Variants in TBXAS1 observed in about 807,000 individuals in gnomAD.
TBXAS1 encodes the protein thromboxane A synthase 1.
TBXAS1 carries 48 observed loss-of-function variants against 60.7 expected under a neutral mutation model. The ratio of observed to expected loss-of-function variants is 0.79; its 90% CI spans 0.63 to 1.01. The LOEUF (loss-of-function observed/expected upper bound fraction) is 1.01. TBXAS1 is among the 50% of genes least tolerant of loss of function. The pLI, the probability that TBXAS1 is intolerant of heterozygous loss-of-function variation, is 0.00. For synonymous variants in TBXAS1, 287 were observed against 269.7 expected (o/e 1.06, Z -0.63); for missense variants, 685 against 686.3 (o/e 1.00, Z 0.02).
intron 4 of TBXAS1, chr7:139,797,101 TAA>T (rs961028493): frequency 5.9e-5 from 9 of 152,180 alleles, no homozygotes; most frequent in African/African-American, 2.2e-4. Context: ...GAAAATCCAT[TAA>T]AATATAATTA....
intron 5 of TBXAS1, chr7:139,952,408 G>GA (rs1809485503): frequency 3.6e-6 from 4 of 1,107,060 alleles, no homozygotes; most frequent in Admixed American, 6.0e-5. Flanking sequence ...ATTCTAGTGT[G>GA]AAAATCATCA....
chr7:139,967,480 G>A (rs1204941896), intron 9 of TBXAS1, among the ~76,000 whole-genome samples: 3 of 152,206 alleles, frequency 2.0e-5, no homozygotes, highest in South Asian at 2.1e-4. Flanking sequence ...ATGGGGGTAG[G>A]AGAGAGTAGG....
intron 4 of TBXAS1, among the ~76,000 whole-genome samples, chr7:139,807,385 G>C (rs961079537): frequency 1.3e-5 from 2 of 149,696 alleles, no homozygotes; most frequent in East Asian, 3.9e-4. Flanking sequence ...ACCACACCTA[G>C]TTAATTTTTT....
chr7:139,808,282 G>A (rs1291161740), intron 4 of TBXAS1, among the ~76,000 whole-genome samples: 1 of 152,088 alleles, frequency 6.6e-6, no homozygotes, highest in Non-Finnish European at 1.5e-5. Flanking sequence ...AGATTGTGGT[G>A]AGCTGAGATC....
At chr7:139,888,561 G>T (rs950464966) in intron 3 of TBXAS1, among the ~76,000 whole-genome samples, 4 of 152,014 alleles carry the variant, frequency 2.6e-5, no homozygotes, top group Non-Finnish European at 1.5e-5. Flanking sequence ...CTTCATGACT[G>T]TTCATGACAT....
chr7:140,015,775 G>A lies in TBXAS1; in HGVS notation c.1279G>A (p.Ala427Thr), dbSNP rs2286199. Reference sequence around the variant, plus strand: ...CGAGGTGCTGGGGCAGCGCATCCCCGCAGGCGCTGTGCTAGAGATGGCCGT... The same window carrying A: ...CGAGGTGCTGGGGCAGCGCATCCCCACAGGCGCTGTGCTAGAGATGGCCGT... ...DCEVLGQRIP[A>T]GAVLEMAVGA... Residue 427 changes from alanine (A) to threonine (T), a missense_variant, in exon 11 of 13, where the codon GCA (alanine) becomes ACA (threonine). Physicochemically the swap from Ala to Thr is moderately conservative, Grantham distance 58 (BLOSUM62 0). Coordinates refer to ENST00000448866, the MANE Select transcript of TBXAS1 (RefSeq NM_001061.7). 5.5e-4 allele frequency: 882 copies of A among 1,613,530 alleles called. 3 individuals are homozygous for A. In the East Asian group the frequency reaches 7.6e-3, roughly 14 times the overall value.
chr7:139,809,229 TAGATGATAGATAGATA>T lies in TBXAS1; in HGVS notation c.-79-20082_-79-20067del, dbSNP rs779321794. ...ATAGATAGATAGATAGATAGATAGA[TAGATGATAGATAGATA>T]GATAGATAGATAGATAGATAGATAG... On this transcript the variant is annotated intron_variant, in intron 4 of 16. Transcript: ENST00000336425. Among the ~76,000 whole-genome samples, 233 of 115,982 alleles carry T rather than the reference TAGATGATAGATAGATA, an allele frequency of 2.0e-3. 4 individuals are homozygous for T. In the South Asian group the frequency reaches 0.026, roughly 13 times the overall value. 76.1% of individuals were successfully genotyped at this position (115,982 alleles called of 152,430 possible).
At chr7:139,836,672 A>C (rs1799087603) in intron 1 of TBXAS1, among the ~76,000 whole-genome samples, 1 of 152,246 alleles carries the variant, frequency 6.6e-6, no homozygotes, top group Non-Finnish European at 1.5e-5. Flanking sequence ...ACCCAAGATG[A>C]GTTAAAGACT....
intron 3 of TBXAS1, among the ~76,000 whole-genome samples, chr7:139,897,936 T>C (rs1330702604): frequency 6.6e-6 from 1 of 152,156 alleles, no homozygotes. Flanking sequence ...TCAAGCCTCT[T>C]GCTCTAATGA....
At chr7:139,824,987 G>T (rs1393083618), upstream of TBXAS1, among the ~76,000 whole-genome samples, 1 of 151,780 alleles carries the variant, frequency 6.6e-6, no homozygotes, top group Non-Finnish European at 1.5e-5. Flanking sequence ...CTGCCATCAT[G>T]CCTGGCAAAT....
chr7:139,888,906 G>A (rs945306804), intron 3 of TBXAS1, among the ~76,000 whole-genome samples: 7 of 149,136 alleles, frequency 4.7e-5, no homozygotes, highest in African/African-American at 1.8e-4. Context: ...GTGGAGAAGG[G>A]GTGCAGGGGG....
intron 9 of TBXAS1, among the ~76,000 whole-genome samples, chr7:139,989,723 C>T (rs1385695111): frequency 6.6e-6 from 1 of 152,234 alleles, no homozygotes; most frequent in Non-Finnish European, 1.5e-5. Context: ...TTCCTGAGAT[C>T]TCTGGCCCCA....
At position 139,916,436 on chromosome 7, in the gene TBXAS1, G is replaced by A. The variant is rs1037589075; in HGVS notation, c.333+5115G>A. On this transcript the variant is annotated intron_variant, in intron 4 of 12. Coordinates refer to ENST00000448866, the MANE Select transcript of TBXAS1 (RefSeq NM_001061.7). This position sits in a 1 kb window ranked among gnomAD's most constrained non-coding sequence, Gnocchi z 4.2. ...TCAGGTCCTCATGAGCAACACAGAG[G>A]TCACCTCTCCAGGCACAGGTCGAGC... Among the ~76,000 whole-genome samples the A allele has an allele frequency of 1.4e-4, 21 of 152,148 alleles. No homozygotes were observed. The highest frequency in any genetic ancestry group is 2.2e-4 in the Non-Finnish European group (15 of 68,026).
At chr7:139,882,489 G>A (rs903882524) in intron 3 of TBXAS1, among the ~76,000 whole-genome samples, 1 of 152,222 alleles carries the variant, frequency 6.6e-6, no homozygotes, top group Non-Finnish European at 1.5e-5. Context: ...GAGCTTCCCA[G>A]ACACTGATGC....
intron 3 of TBXAS1, among the ~76,000 whole-genome samples, chr7:139,888,963 T>C (rs2116917780): frequency 6.6e-6 from 1 of 151,592 alleles, no homozygotes; most frequent in African/African-American, 2.4e-5. Context: ...AACATTCTGA[T>C]AGCACAGGTG....
chr7:139,934,186 T>A (rs1807558151), intron 4 of TBXAS1, among the ~76,000 whole-genome samples: 1 of 152,086 alleles, frequency 6.6e-6, no homozygotes, highest in African/African-American at 2.4e-5. Flanking sequence ...AAAGTCTTTT[T>A]TTTTTCTTTT....
intron 10 of TBXAS1, among the ~76,000 whole-genome samples, chr7:140,011,301 C>A (rs10263355): frequency 0.021 from 1,691 of 79,508 alleles, 48 homozygotes; most frequent in African/African-American, 0.09. Context: ...AACAAACAAA[C>A]AAAAAAAACA....
rs1279299277 is a variant in TBXAS1, at chr7:139,962,236, G to A, written c.1134+3G>A. On this transcript the variant is annotated splice_donor_region_variant and intron_variant, in intron 9 of 12. Coordinates refer to ENST00000448866, the MANE Select transcript of TBXAS1 (RefSeq NM_001061.7). ...TAGACGTTTTTAAGGAGAAACACGTGAGTACAAGTTGGATCCAGTTACCCA... is the reference window on the plus strand; with the variant it reads ...TAGACGTTTTTAAGGAGAAACACGTAAGTACAAGTTGGATCCAGTTACCCA... 6 of 1,614,048 alleles carry A rather than the reference G, an allele frequency of 3.7e-6. No homozygotes were observed. In the South Asian group the frequency reaches 6.6e-5, roughly 18 times the overall value.
At chr7:139,860,103 C>T (rs1431914098) in intron 1 of TBXAS1, among the ~76,000 whole-genome samples, 1 of 152,132 alleles carries the variant, frequency 6.6e-6, no homozygotes, top group Non-Finnish European at 1.5e-5. Context: ...CCACTGCACT[C>T]CAGCCTGGAC....
Sources: allele counts gnomAD v4.1 joint callset (sites outside exome capture counted in the v4.1 genomes callset), GRCh38; gene constraint gnomAD v4.1.1; non-coding constraint Gnocchi (gnomAD v3.1); transcripts MANE v1.5; gene names NCBI Gene and HGNC (gene_info 2026-07-23, HGNC 2026-07-21).